GPR143: variants seen among roughly 807,000 people sequenced by gnomAD.
GPR143 encodes G protein-coupled receptor 143.
A neutral mutation model predicts 27.6 loss-of-function variants in GPR143; 8 were observed. That is an observed-to-expected ratio of 0.29 (90% confidence interval 0.17 to 0.52). The LOEUF is 0.52. GPR143 is among the 20% of genes least tolerant of loss of function. GPR143 has a pLI of 0.96. For missense variants in GPR143, 303 were observed against 343.1 expected (o/e 0.88, Z 0.92); for synonymous variants, 156 against 153.2 (o/e 1.02, Z -0.13).
At chrX:9,755,347 G>A (rs750069073) in intron 3 of GPR143, among the ~76,000 whole-genome samples, 1 of 111,680 alleles carries the variant, frequency 9.0e-6, no homozygotes, top group South Asian at 3.7e-4. Context: ...GAACCCAGGC[G>A]GTGCAGGTTG....
chrX:9,739,171 G>C (rs181502927), intron 8 of GPR143, among the ~76,000 whole-genome samples: 4 of 112,715 alleles, frequency 3.5e-5, no homozygotes, highest in Admixed American at 9.4e-5. Flanking sequence ...CTTTGGTTTT[G>C]TGTTTGTGTG....
In GPR143 at chrX:9,759,416, T is replaced by C. The variant is rs62635032; in HGVS notation, c.371A>G (p.Gln124Arg). The part of the protein sequence containing the change: ...AFCVGSAMWI[Q>R]LLYSACFWWL... ...CCAGAAGCAGGCACTGTACAACAGCTGGATCCACATCTGCAATCGGGAAGA... is the reference window on the plus strand; with the variant it reads ...CCAGAAGCAGGCACTGTACAACAGCCGGATCCACATCTGCAATCGGGAAGA... The change falls in exon 3 of 9, where the codon CAG (glutamine) becomes CGG (arginine). Residue 124 changes from glutamine to arginine, a missense_variant. Transcript: ENST00000467482. 3.5e-4 allele frequency: 415 copies of C among 1,177,095 alleles called. 1 individual carries two copies. Among genetic ancestry groups the C allele is most frequent in the Admixed American group, 1.5e-3 (67 of 44,600 alleles).
chrX:9,762,368 C>A (rs766474692), intron 1 of GPR143, among the ~76,000 whole-genome samples: 1 of 109,531 alleles, frequency 9.1e-6, no homozygotes, highest in East Asian at 2.8e-4. Flanking sequence ...CCAGCCTGGG[C>A]GACAGAGTGA....
At chrX:9,765,545 C>T (rs773956496) in intron 1 of GPR143, 23 bp downstream of exon 1, 7 of 1,084,371 alleles carry the variant, frequency 6.5e-6, no homozygotes, top group Admixed American at 3.0e-5. Flanking sequence ...AGATTCCAAC[C>T]CGCGGGCCGC....
chrX:9,771,563 A>G (rs999143427), intron 1 of GPR143, among the ~76,000 whole-genome samples: 1 of 111,046 alleles, frequency 9.0e-6, no homozygotes, highest in Non-Finnish European at 1.9e-5. Context: ...TATGGCTCCT[A>G]CTTTGAGTGC....
In GPR143 at chrX:9,741,333, C is replaced by A. The variant is rs371701249; in HGVS notation, c.885+5G>T. ...CTAATTAAAATAAAATATAGATTGA[C>A]CTACCATAATAAACCATGTGGTCTT... On this transcript the variant is annotated splice_donor_5th_base_variant and intron_variant, in intron 7 of 8. Coordinates refer to ENST00000467482, the MANE Select transcript of GPR143 (RefSeq NM_000273.3). The A allele has an allele frequency of 1.3e-6, 1 of 745,948 alleles. No individual in the cohort carries two copies. The highest frequency in any genetic ancestry group is 2.1e-6 in the Non-Finnish European group (1 of 486,109). 61.5% of individuals were successfully genotyped at this position (745,948 alleles called of 1,213,427 possible).
chrX:9,763,905 G>A (rs1040660548), intron 1 of GPR143, among the ~76,000 whole-genome samples: 1 of 112,609 alleles, frequency 8.9e-6, no homozygotes, highest in Non-Finnish European at 1.9e-5. Flanking sequence ...AAATGCACAT[G>A]AACAACATAG....
At position 9,748,686 on chromosome X, in the gene GPR143, G is replaced by A. The variant is rs879003324; in HGVS notation, c.456-20C>T. On this transcript the variant is annotated intron_variant, in intron 3 of 8. Coordinates refer to ENST00000467482, the MANE Select transcript of GPR143 (RefSeq NM_000273.3). ...ATGGTGCTAGGGGACAAGCACAACA[G>A]CAGCCACAGCTCAGTGGGGCACAGA... 3.7e-6 allele frequency: 4 copies of A among 1,089,363 alleles called. No individual in the cohort carries two copies. Among genetic ancestry groups the A allele is most frequent in the Non-Finnish European group, 5.1e-6 (4 of 785,914 alleles). 89.8% of individuals were successfully genotyped at this position (1,089,363 alleles called of 1,213,427 possible).
At chrX:9,761,256 G>C (rs918381735) in intron 1 of GPR143, among the ~76,000 whole-genome samples, 2 of 111,120 alleles carry the variant, frequency 1.8e-5, no homozygotes, top group African/African-American at 6.5e-5. Context: ...ACCACGCCCA[G>C]CTAATTTTTG....
intron 3 of GPR143, among the ~76,000 whole-genome samples, chrX:9,759,097 C>T (rs1402862024): frequency 9.0e-6 from 1 of 111,206 alleles, no homozygotes; most frequent in Admixed American, 9.7e-5. Context: ...CCTCCTACCT[C>T]CCAAGTAGCT....
At chrX:9,773,722 A>G (rs1457954804) in intron 1 of GPR143, among the ~76,000 whole-genome samples, 1 of 108,905 alleles carries the variant, frequency 9.2e-6, no homozygotes, top group African/African-American at 3.3e-5. Context: ...AAAATACAGA[A>G]GCATGGTGGT....
intron 8 of GPR143, among the ~76,000 whole-genome samples, chrX:9,734,844 C>G (rs990192204): frequency 8.9e-6 from 1 of 112,209 alleles, no homozygotes; most frequent in East Asian, 2.8e-4. Flanking sequence ...GCCATGCCCC[C>G]CTGGCTCGCT....
At chrX:9,737,020 G>GC (rs759153535) in intron 8 of GPR143, among the ~76,000 whole-genome samples, 1 of 112,258 alleles carries the variant, frequency 8.9e-6, no homozygotes, top group South Asian at 3.7e-4. Context: ...ATAAGAGTGG[G>GC]CCAGGTGCAG....
At chrX:9,734,846 T>C (rs1218398014) in intron 8 of GPR143, among the ~76,000 whole-genome samples, 3 of 111,990 alleles carry the variant, frequency 2.7e-5, no homozygotes, top group South Asian at 3.7e-4. Flanking sequence ...CATGCCCCCC[T>C]GGCTCGCTCC....
At chrX:9,768,695 T>C (rs994352360), upstream of GPR143, among the ~76,000 whole-genome samples, 3 of 109,628 alleles carry the variant, frequency 2.7e-5, no homozygotes, top group African/African-American at 1.0e-4. Context: ...TTTTTTCCTT[T>C]GAGACAGAGT....
chrX:9,738,510 C>T, intron 8 of GPR143: 4 of 745,205 alleles, frequency 5.4e-6, no homozygotes, highest in Non-Finnish European at 6.3e-6. Context: ...TTCAACCAGA[C>T]AGTACGGTAT....
chrX:9,764,527 C>T (rs1601890630), intron 1 of GPR143, among the ~76,000 whole-genome samples: 2 of 107,826 alleles, frequency 1.9e-5, no homozygotes, highest in South Asian at 4.0e-4. Flanking sequence ...CACACACACA[C>T]ACACACACAC....
At chrX:9,732,102 A>G (rs1277788169) in intron 8 of GPR143, among the ~76,000 whole-genome samples, 1 of 112,280 alleles carries the variant, frequency 8.9e-6, no homozygotes, top group Non-Finnish European at 1.9e-5. Context: ...GACAAAGATT[A>G]TTGGATAAAT....
At chrX:9,765,334 T>A (rs2083525560) in intron 1 of GPR143, among the ~76,000 whole-genome samples, 1 of 107,106 alleles carries the variant, frequency 9.3e-6, no homozygotes, top group Admixed American at 9.8e-5. Flanking sequence ...CCCGCGGGCC[T>A]CAAGCCCTCA....
Sources: allele counts gnomAD v4.1 joint callset (sites outside exome capture counted in the v4.1 genomes callset), GRCh38; gene constraint gnomAD v4.1.1; transcripts MANE v1.5; gene names NCBI Gene and HGNC (gene_info 2026-07-23, HGNC 2026-07-21).